The following CACNA1C variants were observed in gnomAD, a reference collection of about 807,000 sequenced individuals.
CACNA1C encodes the protein voltage-dependent L-type calcium channel subunit alpha-1C.
CACNA1C carries 30 observed loss-of-function variants against 229.0 expected under a neutral mutation model. The observed-to-expected ratio is 0.13, with a 90% CI of 0.10 to 0.18. The LOEUF is 0.18. Ranked by LOEUF, CACNA1C falls within the 10% of genes least tolerant of loss-of-function variation. The pLI is 1.00. For missense variants in CACNA1C, 1,658 were observed against 2,845.0 expected, an observed-to-expected ratio of 0.58 and a Z score of 9.49; for synonymous variants, 1,114 against 1,132.5, an observed-to-expected ratio of 0.98 and a Z score of 0.33.
intron 29 of CACNA1C, among the ~76,000 whole-genome samples, chr12:2,631,062 C>T (rs1207854492): frequency 6.6e-6 from 1 of 152,178 alleles, no homozygotes; most frequent in Non-Finnish European, 1.5e-5. Context: ...AGCCCTTCAC[C>T]CTGGTGTGCC....
intron 29 of CACNA1C, among the ~76,000 whole-genome samples, chr12:2,629,138 G>A (rs2088952684): frequency 6.6e-6 from 1 of 152,184 alleles, no homozygotes; most frequent in Non-Finnish European, 1.5e-5. Context: ...CTAGAATAAA[G>A]ACAACGGTGA....
At chr12:2,008,255 C>T (rs11062063) in intron 1 of CACNA1C, among the ~76,000 whole-genome samples, 2,354 of 152,226 alleles carry the variant, frequency 0.015, 59 homozygotes, top group African/African-American at 0.054. Context: ...GTAGCTGGGA[C>T]CACAGGCTGG....
chr12:1,998,007 G>GT (rs1486386012), intron 1 of CACNA1C: 3 of 1,582,396 alleles, frequency 1.9e-6, no homozygotes, highest in Non-Finnish European at 2.6e-6. Flanking sequence ...CACAAGACAT[G>GT]TATGTTCTCT....
chr12:2,505,017 T>A, intron 8 of CACNA1C, 72 bp downstream of exon 8: 1 of 825,820 alleles, frequency 1.2e-6, no homozygotes, highest in Non-Finnish European at 2.0e-6. Flanking sequence ...TATTCCTGGC[T>A]GTATTCTTTT....
Position 2,612,020 on chromosome 12 carries a change from C to G in CACNA1C, c.3828+7C>G, listed in dbSNP as rs1290198044. ...CATTGCCTTCAAACCCAAGGTAGGC[C>G]TCTGAGAAAGACCTTTGATTCCCAG... On this transcript the variant is annotated splice_region_variant and intron_variant, in intron 29 of 46. Coordinates refer to ENST00000399655, the MANE Select transcript of CACNA1C (RefSeq NM_000719.7). 2.6e-6 allele frequency: 4 copies of G among 1,534,442 alleles called. No individual in the cohort carries two copies. Among genetic ancestry groups the G allele is most frequent in the Middle Eastern group, 1.7e-4 (1 of 5,896 alleles).
intron 8 of CACNA1C, among the ~76,000 whole-genome samples, chr12:2,510,073 C>T (rs1203258888): frequency 6.6e-6 from 1 of 152,202 alleles, no homozygotes; most frequent in African/African-American, 2.4e-5. Context: ...CCCTGGCTCT[C>T]CACACCACCC....
At chr12:2,682,997 C>T (rs563322808) in intron 43 of CACNA1C, among the ~76,000 whole-genome samples, 3 of 105,458 alleles carry the variant, frequency 2.8e-5, no homozygotes, top group Non-Finnish European at 6.2e-5. Flanking sequence ...CTGTAAGACA[C>T]AGTCATAAAT....
chr12:2,020,136 C>T (rs990058239), intron 1 of CACNA1C: 2 of 152,160 alleles, frequency 1.3e-5, no homozygotes, highest in East Asian at 3.9e-4. Flanking sequence ...GAATATGATG[C>T]CATTAACAAA....
rs555801038 is a variant in CACNA1C at position 2,392,978 on chromosome 12, G to A, written c.478-55998G>A. On this transcript the variant is annotated intron_variant, in intron 3 of 46. Coordinates refer to ENST00000399655, the MANE Select transcript of CACNA1C (RefSeq NM_000719.7). ...GTGTCCTTACCTTGTGTAGACTGTT[G>A]ACTACTGTTAACCCTCTAGTATTAG... 5.9e-5 allele frequency among the ~76,000 whole-genome samples: 9 copies of A among 152,214 alleles called. 1 individual carries two copies. The South Asian group carries it at 1.9e-3, about 32-fold the overall frequency.
rs990459335 is a variant in CACNA1C, at chr12:2,551,226, G to T, written c.1481+1193G>T. ...GCCCTGCAACTCTGGCTGTTGGGCA[G>T]GCCCAAGTCGCATACCAGGAGGGAC... On this transcript the variant is annotated intron_variant, in intron 10 of 46. Transcript: ENST00000399655. Among the ~76,000 whole-genome samples, 3 of 152,070 alleles carry T rather than the reference G, an allele frequency of 2.0e-5. No individual in the cohort carries two copies. In the East Asian group the frequency reaches 5.8e-4, roughly 29 times the overall value.
Position 2,597,747 on chromosome 12 carries a change from G to A in CACNA1C, c.2853+458G>A, listed in dbSNP as rs541694240. ...GCAGTCCGTGGCCTGGAAGGGACAC[G>A]TGTTGGCTGTGCCAACATTAAGGCT... On this transcript the variant is annotated intron_variant, in intron 21 of 46. Transcript: ENST00000399655. This position sits in a 1 kb window ranked among gnomAD's most constrained non-coding sequence, Gnocchi z 4.3. Among the ~76,000 whole-genome samples, 2 of 152,290 alleles carry A rather than the reference G, an allele frequency of 1.3e-5. No homozygotes were observed. The highest frequency in any genetic ancestry group is 1.9e-4 in the East Asian group (1 of 5,178).
chr12:2,644,242 G>T (rs560885744), intron 30 of CACNA1C, among the ~76,000 whole-genome samples: 2 of 152,240 alleles, frequency 1.3e-5, no homozygotes, highest in South Asian at 2.1e-4. Context: ...TTTTCTGTAG[G>T]GCTAAGACCA....
rs1189335850 is a variant in CACNA1C at position 2,249,783 on chromosome 12, T to TG, written c.477+129353_477+129354insG. 6.6e-5 allele frequency among the ~76,000 whole-genome samples: 10 copies of TG among 151,118 alleles called. No individual in the cohort carries two copies. The East Asian group carries it at 1.8e-3, about 27-fold the overall frequency. On this transcript the variant is annotated intron_variant, in intron 3 of 46. Coordinates refer to ENST00000399655, the MANE Select transcript of CACNA1C (RefSeq NM_000719.7). Reference sequence around the variant, plus strand: ...GCCTTGCCTTCTCTCTTTTTTTTTTTTTTTTGAGATGGAGTCTCACTCTGT... The same window carrying TG: ...GCCTTGCCTTCTCTCTTTTTTTTTTTGTTTTTGAGATGGAGTCTCACTCTGT...
chr12:2,607,141 A>G lies in CACNA1C; in HGVS notation c.3356+11A>G, dbSNP rs2075723650. 6 of 1,607,742 alleles carry G rather than the reference A, an allele frequency of 3.7e-6. No individual in the cohort carries two copies. The highest frequency in any genetic ancestry group is 5.1e-6 in the Non-Finnish European group (6 of 1,176,386). On this transcript the variant is annotated intron_variant, in intron 26 of 46. Transcript: ENST00000399655. ...CGAAGGGTGGCCAGAGTGAGTATGC[A>G]AAGCAAGGCCCCACGAGCCCTGACA...
At chr12:2,544,617 C>G (rs1474177765) in intron 9 of CACNA1C, among the ~76,000 whole-genome samples, 1 of 152,176 alleles carries the variant, frequency 6.6e-6, no homozygotes, top group Non-Finnish European at 1.5e-5. Context: ...TTTTTGCCAA[C>G]AAGAAATAAG....
rs140361535 is a variant in CACNA1C, at chr12:2,410,813, G to A, written c.478-38163G>A. Among the ~76,000 whole-genome samples the A allele has an allele frequency of 1.3e-3, 200 of 151,770 alleles. No individual in the cohort carries two copies. The highest frequency in any genetic ancestry group is 4.4e-3 in the African/African-American group (182 of 41,338). ...TGTGTGTGTATATGTGTGTGTGTGC[G>A]TGTGCATGTGCGTGTGTGTGTTTCA... On this transcript the variant is annotated intron_variant, in intron 3 of 46. Transcript: ENST00000399655. The surrounding 1 kb of genome is among the most constrained non-coding windows in gnomAD (Gnocchi z 5.3).
At chr12:2,278,224 A>G (rs1027122295) in intron 3 of CACNA1C, among the ~76,000 whole-genome samples, 4 of 152,152 alleles carry the variant, frequency 2.6e-5, no homozygotes, top group Non-Finnish European at 4.4e-5. Flanking sequence ...AGATTCACCC[A>G]CTCAGTCTAT....
At chr12:2,257,127 G>A (rs2078242224) in intron 3 of CACNA1C, among the ~76,000 whole-genome samples, 1 of 152,200 alleles carries the variant, frequency 6.6e-6, no homozygotes, top group Non-Finnish European at 1.5e-5. Context: ...CACTCAGACA[G>A]TCACAGAGGA....
chr12:2,576,915 A>G (rs1255624663), intron 13 of CACNA1C, among the ~76,000 whole-genome samples: 1 of 152,222 alleles, frequency 6.6e-6, no homozygotes, highest in Non-Finnish European at 1.5e-5. Flanking sequence ...ATTCTTTGCC[A>G]CATCATCATT....
Sources: allele counts gnomAD v4.1 joint callset (sites outside exome capture counted in the v4.1 genomes callset), GRCh38; gene constraint gnomAD v4.1.1; non-coding constraint Gnocchi (gnomAD v3.1); transcripts MANE v1.5; gene names NCBI Gene and HGNC (gene_info 2026-07-23, HGNC 2026-07-21).